NCK1: variants seen among roughly 807,000 people sequenced by gnomAD.
NCK1 encodes the protein NCK adaptor protein 1.
In NCK1, 19 loss-of-function variants were observed where a neutral mutation model predicts 36.6. That is an observed-to-expected ratio of 0.52 (90% CI 0.36 to 0.76). NCK1 has a LOEUF of 0.76. NCK1 is among the 30% of genes least tolerant of loss of function. The pLI, the probability that NCK1 is intolerant of heterozygous loss-of-function variation, is 0.00. For synonymous variants in NCK1, 165 were observed against 156.0 expected (o/e 1.06, Z -0.43); for missense variants, 358 against 445.6 (o/e 0.80, Z 1.77).
At chr3:136,940,793 C>T (rs1411884906) in intron 2 of NCK1, among the ~76,000 whole-genome samples, 1 of 152,124 alleles carries the variant, frequency 6.6e-6, no homozygotes, top group Non-Finnish European at 1.5e-5. Context: ...GATCCACCCG[C>T]CTCGGCTTCC....
chr3:136,927,819 A>G (rs1311399527), intron 1 of NCK1, among the ~76,000 whole-genome samples, 165 bp from the exon 2 acceptor site: 1 of 152,190 alleles, frequency 6.6e-6, no homozygotes, highest in Non-Finnish European at 1.5e-5. Context: ...GCGCACGGCC[A>G]TACAGTCACA....
At chr3:136,873,621 G>T (rs566933352) in intron 1 of NCK1, among the ~76,000 whole-genome samples, 1 of 152,102 alleles carries the variant, frequency 6.6e-6, no homozygotes, top group Admixed American at 6.6e-5. Flanking sequence ...ATATGGTTTG[G>T]CTGTGTCCCC....
At chr3:136,923,706 C>T (rs1940172304) in intron 1 of NCK1, among the ~76,000 whole-genome samples, 2 of 152,120 alleles carry the variant, frequency 1.3e-5, no homozygotes, top group South Asian at 4.1e-4. Flanking sequence ...AATGTTTAAA[C>T]ATTCATATAA....
chr3:136,909,563 G>A (rs1306905434), intron 1 of NCK1, among the ~76,000 whole-genome samples: 2 of 152,168 alleles, frequency 1.3e-5, no homozygotes, highest in African/African-American at 4.8e-5. Context: ...CACTTGAGAA[G>A]AATATGATTT....
rs565854402 is a variant in NCK1, at chr3:136,875,028, C to T, written c.-19+12675C>T. Among the ~76,000 whole-genome samples the T allele has an allele frequency of 1.6e-4, 24 of 152,180 alleles. No individual in the cohort carries two copies. The South Asian group carries it at 3.1e-3, about 20-fold the overall frequency. On this transcript the variant is annotated intron_variant, in intron 1 of 3. Coordinates refer to ENST00000481752, the MANE Select transcript of NCK1 (RefSeq NM_001291999.2). Reference sequence around the variant, plus strand: ...TTCATAAGGTTGTAGCTTGGTGTTACGTCTATTTTTAACAATTTTTCTTGG... The same window carrying T: ...TTCATAAGGTTGTAGCTTGGTGTTATGTCTATTTTTAACAATTTTTCTTGG...
intron 1 of NCK1, among the ~76,000 whole-genome samples, chr3:136,881,437 C>A (rs984725743): frequency 6.6e-6 from 1 of 152,128 alleles, no homozygotes; most frequent in African/African-American, 2.4e-5. Context: ...CCAGGCTGGT[C>A]TTGAACTCCT....
intron 1 of NCK1, among the ~76,000 whole-genome samples, chr3:136,917,215 T>A (rs1036186459): frequency 4.1e-5 from 6 of 145,570 alleles, no homozygotes; most frequent in African/African-American, 1.5e-4. Flanking sequence ...TTGTAAACTT[T>A]CTTAAAACAT....
At chr3:136,897,501 C>T (rs550332605) in intron 1 of NCK1, among the ~76,000 whole-genome samples, 1 of 152,036 alleles carries the variant, frequency 6.6e-6, no homozygotes, top group African/African-American at 2.4e-5. Flanking sequence ...TTTTCATATA[C>T]TTGTTTGCCA....
chr3:136,934,819 T>C (rs1442646567), intron 2 of NCK1, among the ~76,000 whole-genome samples: 1 of 152,196 alleles, frequency 6.6e-6, no homozygotes, highest in African/African-American at 2.4e-5. Context: ...ATTTTATTAC[T>C]AAAGAGTAGA....
intron 1 of NCK1, among the ~76,000 whole-genome samples, chr3:136,872,836 C>T (rs551807654): frequency 2.0e-5 from 3 of 152,272 alleles, no homozygotes; most frequent in South Asian, 2.1e-4. Context: ...GGTGTTGATG[C>T]TGCAATGTGG....
intron 2 of NCK1, among the ~76,000 whole-genome samples, chr3:136,932,129 A>C (rs1352451418): frequency 6.6e-6 from 1 of 151,558 alleles, no homozygotes; most frequent in African/African-American, 2.4e-5. Flanking sequence ...AAAAAAAAAA[A>C]AAAAAAAAGA....
At chr3:136,880,586 C>G (rs1200649853) in intron 1 of NCK1, among the ~76,000 whole-genome samples, 1 of 152,118 alleles carries the variant, frequency 6.6e-6, no homozygotes, top group Non-Finnish European at 1.5e-5. Context: ...GATGTTGCCA[C>G]TTGATATCTC....
intron 1 of NCK1, among the ~76,000 whole-genome samples, chr3:136,906,956 G>A (rs2108106887): frequency 6.6e-6 from 1 of 152,286 alleles, no homozygotes; most frequent in East Asian, 1.9e-4. Context: ...GCTCCCCACT[G>A]GTACGTGCAG....
chr3:136,915,012 G>A (rs939078233), intron 1 of NCK1, among the ~76,000 whole-genome samples: 1 of 152,008 alleles, frequency 6.6e-6, no homozygotes, highest in African/African-American at 2.4e-5. Context: ...GCTTCTCTTT[G>A]CCATCTTTCA....
Position 136,945,643 on chromosome 3 carries a change from G to T in NCK1, c.287G>T (p.Ser96Ile), listed in dbSNP as rs774239593. The T allele has an allele frequency of 1.9e-6, 3 of 1,614,088 alleles. No individual in the cohort carries two copies. Among genetic ancestry groups the T allele is most frequent in the Non-Finnish European group, 2.5e-6 (3 of 1,179,974 alleles). Residue 96 changes from serine to isoleucine, a missense_variant, in exon 3 of 4, where the codon AGT (serine) becomes ATT (isoleucine). This residue lies in a region of NCK1 where 143 missense variants were observed against 162.4 expected (regional missense o/e 0.88). Transcript: ENST00000481752. ...GATTCTGCATCTCCTGCTGATGATA[G>T]TTTTGTTGACCCAGGGGAACGTCTC... Reference protein sequence around the residue: ...VPDSASPADDSFVDPGERLYD... With the variant: ...VPDSASPADDIFVDPGERLYD...
chr3:136,889,540 C>A (rs7631017), intron 1 of NCK1, among the ~76,000 whole-genome samples: 5 of 151,926 alleles, frequency 3.3e-5, no homozygotes, highest in East Asian at 3.9e-4. Flanking sequence ...GAAGGGGACC[C>A]GAGCGGGTTG....
chr3:136,870,027 AGTT>A (rs1253063503), intron 1 of NCK1, among the ~76,000 whole-genome samples: 1 of 76,898 alleles, frequency 1.3e-5, no homozygotes, highest in East Asian at 6.1e-4. Flanking sequence ...GTTTCTCAAA[AGTT>A]TTTTTTTTTT....
chr3:136,872,442 G>T (rs1371868820), intron 1 of NCK1, among the ~76,000 whole-genome samples: 1 of 152,208 alleles, frequency 6.6e-6, no homozygotes, highest in East Asian at 1.9e-4. Context: ...TGCTGTTAAA[G>T]GCATTCAGTT....
intron 1 of NCK1, among the ~76,000 whole-genome samples, chr3:136,923,525 AGCCTGGGTG>A (rs1331668307): frequency 6.6e-6 from 1 of 151,800 alleles, no homozygotes; most frequent in African/African-American, 2.4e-5. Flanking sequence ...ACTGCACTCC[AGCCTGGGTG>A]ACAGTGCAGT....
Sources: allele counts gnomAD v4.1 joint callset (sites outside exome capture counted in the v4.1 genomes callset), GRCh38; gene constraint gnomAD v4.1.1; regional missense constraint gnomAD v4.1.1; transcripts MANE v1.5; gene names NCBI Gene and HGNC (gene_info 2026-07-23, HGNC 2026-07-21).